Variants in ELMO1 observed in about 807,000 individuals in gnomAD.
ELMO1 encodes the protein engulfment and cell motility protein 1.
Under a neutral mutation model 98.9 loss-of-function variants are expected in ELMO1, and 26 were observed. The observed-to-expected ratio is 0.26, with a 90% CI of 0.19 to 0.36. The LOEUF is 0.36. ELMO1 is among the 10% of genes least tolerant of loss of function. ELMO1 has a pLI of 1.00. For synonymous variants in ELMO1, 346 were observed against 346.0 expected, an observed-to-expected ratio of 1.00 and a Z score of 0.00; for missense variants, 627 against 935.2, an observed-to-expected ratio of 0.67 and a Z score of 4.30.
intron 19 of ELMO1, 70 bp downstream of exon 19, chr7:36,877,940 C>T: frequency 6.8e-6 from 8 of 1,174,774 alleles, no homozygotes; most frequent in East Asian, 2.4e-5. Context: ...AGTTCTGTTG[C>T]GTGATATATT....
intron 16 of ELMO1, among the ~76,000 whole-genome samples, chr7:36,983,673 T>C (rs1791259291): frequency 6.6e-6 from 1 of 152,206 alleles, no homozygotes; most frequent in Non-Finnish European, 1.5e-5. Context: ...ATATAAAATG[T>C]ATTGAGCAGT....
chr7:37,186,803 A>G (rs2130079842), intron 13 of ELMO1, among the ~76,000 whole-genome samples: 1 of 152,326 alleles, frequency 6.6e-6, no homozygotes, highest in East Asian at 1.9e-4. Flanking sequence ...AAAGTCAGAT[A>G]ATAACAAGTG....
At chr7:37,155,503 A>AAAT (rs1788692635) in intron 13 of ELMO1, among the ~76,000 whole-genome samples, 28 of 131,778 alleles carry the variant, frequency 2.1e-4, no homozygotes, top group South Asian at 2.4e-4. Flanking sequence ...AAAAAAAAAA[A>AAAT]AAAAAGCAGG....
chr7:37,215,331 A>G (rs929187271), intron 11 of ELMO1, among the ~76,000 whole-genome samples: 5 of 152,106 alleles, frequency 3.3e-5, no homozygotes, highest in African/African-American at 1.2e-4. Context: ...GCTTACTTGT[A>G]TTGGTGGGAG....
At chr7:37,404,295 CT>C (rs1454913308) in intron 1 of ELMO1, among the ~76,000 whole-genome samples, 2 of 152,008 alleles carry the variant, frequency 1.3e-5, no homozygotes, top group Non-Finnish European at 2.9e-5. Context: ...TCCACCTTCA[CT>C]CCGTGTGGCA....
At chr7:37,030,551 G>A (rs1256080965) in intron 15 of ELMO1, among the ~76,000 whole-genome samples, 2 of 151,972 alleles carry the variant, frequency 1.3e-5, no homozygotes, top group African/African-American at 4.8e-5. Context: ...ACATTCTATC[G>A]AGTGTGTATA....
intron 14 of ELMO1, among the ~76,000 whole-genome samples, chr7:37,103,837 A>G (rs1784784768): frequency 6.6e-6 from 1 of 150,422 alleles, no homozygotes; most frequent in South Asian, 2.1e-4. Context: ...TCTACTAAGA[A>G]TACAAAATAT....
chr7:36,936,978 A>G (rs1046135287), intron 16 of ELMO1, among the ~76,000 whole-genome samples: 26 of 152,190 alleles, frequency 1.7e-4, no homozygotes, highest in Non-Finnish European at 3.1e-4. Flanking sequence ...GGGTTCTCCC[A>G]GGGATCTACT....
At chr7:37,212,230 G>A (rs1383767112) in intron 12 of ELMO1, among the ~76,000 whole-genome samples, 1 of 152,202 alleles carries the variant, frequency 6.6e-6, no homozygotes, top group Non-Finnish European at 1.5e-5. Flanking sequence ...AAGAGGACAG[G>A]GGAATGGGGA....
At chr7:37,187,033 T>C (rs984676447) in intron 13 of ELMO1, among the ~76,000 whole-genome samples, 2 of 152,330 alleles carry the variant, frequency 1.3e-5, no homozygotes, top group Admixed American at 6.5e-5. Context: ...TTAGTCATCA[T>C]AACTAAAACT....
chr7:37,210,275 G>C (rs960627536), intron 13 of ELMO1, among the ~76,000 whole-genome samples: 2 of 151,960 alleles, frequency 1.3e-5, no homozygotes, highest in African/African-American at 4.8e-5. Context: ...ATAGACTTAT[G>C]GTAATTTCAA....
chr7:37,229,461 A>G (rs1466056099), intron 8 of ELMO1, among the ~76,000 whole-genome samples: 1 of 152,216 alleles, frequency 6.6e-6, no homozygotes, highest in Non-Finnish European at 1.5e-5. Flanking sequence ...CACACATAAC[A>G]AAACAGATAA....
intron 14 of ELMO1, among the ~76,000 whole-genome samples, chr7:37,122,342 A>G (rs1451589935): frequency 6.6e-6 from 1 of 152,226 alleles, no homozygotes; most frequent in Non-Finnish European, 1.5e-5. Context: ...ACAGACTGGC[A>G]AATTGGATAA....
At chr7:37,252,017 C>T (rs1034754168) in intron 6 of ELMO1, among the ~76,000 whole-genome samples, 2 of 152,084 alleles carry the variant, frequency 1.3e-5, no homozygotes, top group Non-Finnish European at 2.9e-5. Flanking sequence ...AGGAATAGAA[C>T]TTAAAAGGGA....
At chr7:37,167,975 C>T (rs1234117917) in intron 13 of ELMO1, among the ~76,000 whole-genome samples, 1 of 152,100 alleles carries the variant, frequency 6.6e-6, no homozygotes, top group Non-Finnish European at 1.5e-5. Context: ...TTCAGGTACA[C>T]CAATCAGACG....
chr7:37,166,036 G>C (rs989107933), intron 13 of ELMO1, among the ~76,000 whole-genome samples: 1 of 152,184 alleles, frequency 6.6e-6, no homozygotes, highest in Non-Finnish European at 1.5e-5. Flanking sequence ...GGTCTATTCA[G>C]AGATTCAACT....
intron 17 of ELMO1, among the ~76,000 whole-genome samples, chr7:36,893,130 C>T (rs566827861): frequency 2.6e-5 from 4 of 152,300 alleles, no homozygotes; most frequent in South Asian, 2.1e-4. Context: ...TTGGCTTTAA[C>T]GGAAGTGATT....
intron 13 of ELMO1, among the ~76,000 whole-genome samples, chr7:37,166,345 T>C (rs1159799060): frequency 2.0e-5 from 3 of 152,330 alleles, no homozygotes; most frequent in Non-Finnish European, 4.4e-5. Flanking sequence ...CCTTCAGTTC[T>C]GCTCTGATTT....
intron 13 of ELMO1, among the ~76,000 whole-genome samples, chr7:37,183,575 A>C (rs1360478390): frequency 6.6e-6 from 1 of 152,130 alleles, no homozygotes; most frequent in Admixed American, 6.5e-5. Flanking sequence ...AGAGAGAAAT[A>C]GGGAGGTAAA....
Sources: allele counts gnomAD v4.1 joint callset (sites outside exome capture counted in the v4.1 genomes callset), GRCh38; gene constraint gnomAD v4.1.1; transcripts MANE v1.5; gene names NCBI Gene and HGNC (gene_info 2026-07-23, HGNC 2026-07-21).